ASB18: variants seen among roughly 807,000 people sequenced by gnomAD.
The protein encoded by ASB18 is ankyrin repeat and SOCS box containing 18.
A neutral mutation model predicts 33.4 loss-of-function variants in ASB18; 33 were observed. That is an observed-to-expected ratio of 0.99 (90% CI 0.75 to 1.32). ASB18 has a LOEUF of 1.32. Ranked by LOEUF, ASB18 falls within the 40% of genes most tolerant of loss-of-function variation. The pLI is 0.00. For missense variants in ASB18, 694 were observed against 655.5 expected (o/e 1.06, Z -0.64); for synonymous variants, 295 against 307.6 (o/e 0.96, Z 0.43).
In ASB18 at chr2:236,217,107, A is replaced by G. The variant is rs567241666; in HGVS notation, c.597-2241T>C. 6.6e-6 allele frequency among the ~76,000 whole-genome samples: 1 copy of G among 152,230 alleles called. No individual in the cohort carries two copies. Among genetic ancestry groups the G allele is most frequent in the South Asian group, 2.1e-4 (1 of 4,828 alleles). On this transcript the variant is annotated intron_variant, in intron 3 of 5. Transcript: ENST00000409749. The surrounding 1 kb of genome is among the most constrained non-coding windows in gnomAD (Gnocchi z 5.2). ...TGTGCCCAGGCACATTGGTCACCCC[A>G]TATTTCAAATATTTGTTGGGCCAGG...
intron 4 of ASB18, among the ~76,000 whole-genome samples, chr2:236,210,909 T>C (rs990903023): frequency 6.6e-6 from 1 of 152,160 alleles, no homozygotes; most frequent in Non-Finnish European, 1.5e-5. Flanking sequence ...CCCACACGCT[T>C]TGATGCTCCA....
rs914795345 is a variant in ASB18, at chr2:236,208,916, G to A, written c.1101+5446C>T. On this transcript the variant is annotated intron_variant, in intron 4 of 5. Coordinates refer to ENST00000409749, the MANE Select transcript of ASB18 (RefSeq NM_212556.4). This position sits in a 1 kb window ranked among gnomAD's most constrained non-coding sequence, Gnocchi z 7.7. ...ACTCTCTTCAGCTAATGAGGCGGCA[G>A]AAAGAAAATTAAGGGGAAAAATCAC... Among the ~76,000 whole-genome samples the A allele has an allele frequency of 5.3e-5, 8 of 152,008 alleles. No individual in the cohort carries two copies. Among genetic ancestry groups the A allele is most frequent in the Admixed American group, 2.0e-4 (3 of 15,264 alleles).
In ASB18 at chr2:236,251,650, G is replaced by A. The variant is rs1048974508; in HGVS notation, c.206-10248C>T. ...CAGCAAAGTGAGGCCAGTTTTGTCT[G>A]ATGGAGTTAAATTCCAGAATTAGAA... On this transcript the variant is annotated intron_variant, in intron 1 of 5. Coordinates refer to ENST00000409749, the MANE Select transcript of ASB18 (RefSeq NM_212556.4). This position sits in a 1 kb window ranked among gnomAD's most constrained non-coding sequence, Gnocchi z 5.3. Among the ~76,000 whole-genome samples, 6 of 152,172 alleles carry A rather than the reference G, an allele frequency of 3.9e-5. No homozygotes were observed. Among genetic ancestry groups the A allele is most frequent in the Admixed American group, 3.9e-4 (6 of 15,280 alleles).
Position 236,231,109 on chromosome 2 carries a change from C to A in ASB18, c.596+6580G>T, listed in dbSNP as rs189108139. On this transcript the variant is annotated intron_variant, in intron 3 of 5. Transcript: ENST00000409749. This position sits in a 1 kb window ranked among gnomAD's most constrained non-coding sequence, Gnocchi z 5.5. ...TCCTCTCCTTGAGCGTGGGCAGAAC[C>A]TTTGATTTGCCGCTAACCAATGGAC... Among the ~76,000 whole-genome samples, 1 of 152,226 alleles carries A rather than the reference C, an allele frequency of 6.6e-6. No homozygotes were observed. The highest frequency in any genetic ancestry group is 1.9e-4 in the East Asian group (1 of 5,170).
chr2:236,242,308 G>A (rs1033347674), intron 1 of ASB18, among the ~76,000 whole-genome samples: 32 of 152,122 alleles, frequency 2.1e-4, no homozygotes, highest in Admixed American at 5.2e-4. Flanking sequence ...CCACTTTCCA[G>A]AGAGGCCTCT....
rs1416050168 is a variant in ASB18 at position 236,237,707 on chromosome 2, C to T, written c.578G>A (p.Arg193His). 3.4e-6 allele frequency: 5 copies of T among 1,455,406 alleles called. No individual in the cohort carries two copies. In the African/African-American group the frequency reaches 4.4e-5, roughly 13 times the overall value. The allele number at this position is 1,455,406 out of a possible 1,614,324, so 90.2% of individuals were successfully genotyped here. ...TCCTTACCCGAGCGAGGCGGCCGTG[C>T]GGCAGAGGTGCAGAGGCGCCAGGCC... ...AEGLAPLHLC[R>H]TAASLGCAQA... Residue 193 changes from arginine (R) to histidine (H), a missense_variant, in exon 3 of 6, where the codon CGC becomes CAC. By Grantham distance (29) the Arg-to-His change is conservative (BLOSUM62 0). Coordinates refer to ENST00000409749, the MANE Select transcript of ASB18 (RefSeq NM_212556.4). This position sits in a 1 kb window ranked among gnomAD's most constrained non-coding sequence, Gnocchi z 6.2.
Position 236,214,425 on chromosome 2 carries a change from C to A in ASB18, c.1038G>T (p.Gln346His). The change falls in exon 4 of 6, where the codon CAG becomes CAT. Residue 346 changes from glutamine to histidine, a missense_variant. Coordinates refer to ENST00000409749, the MANE Select transcript of ASB18 (RefSeq NM_212556.4). The surrounding 1 kb of genome is among the most constrained non-coding windows in gnomAD (Gnocchi z 6.5). ...GGTTGAGCAGCGCCTGCACCGTGCG[C>A]TGCGGTGAGGCCTGGAGAGCGCAGG... ...TASCALQASP[Q>H]RTVQALLNHG... 6 of 1,561,532 alleles carry A rather than the reference C, an allele frequency of 3.8e-6. No homozygotes were observed. Among genetic ancestry groups the A allele is most frequent in the Non-Finnish European group, 5.2e-6 (6 of 1,160,432 alleles).
rs570917622 is a variant in ASB18 at position 236,251,993 on chromosome 2, G to A, written c.206-10591C>T. ...AGAAATAAATAGTAGAAATCTGGCC[G>A]GGCATGGTGGCTCATGCCTGTAATC... On this transcript the variant is annotated intron_variant, in intron 1 of 5. Coordinates refer to ENST00000409749, the MANE Select transcript of ASB18 (RefSeq NM_212556.4). This position sits in a 1 kb window ranked among gnomAD's most constrained non-coding sequence, Gnocchi z 5.3. Among the ~76,000 whole-genome samples the A allele has an allele frequency of 4.6e-5, 7 of 152,196 alleles. No individual in the cohort carries two copies. In the East Asian group the frequency reaches 5.8e-4, roughly 13 times the overall value.
intron 1 of ASB18, among the ~76,000 whole-genome samples, chr2:236,242,361 C>A (rs1017705765): frequency 3.3e-5 from 5 of 152,180 alleles, no homozygotes; most frequent in African/African-American, 1.2e-4. Flanking sequence ...AAGGCGGTGC[C>A]AGGTAGCAGG....
rs1461651159 is a variant in ASB18, at chr2:236,238,593, TC to T, written c.329-638del. Among the ~76,000 whole-genome samples the T allele has an allele frequency of 7.8e-6, 1 of 128,154 alleles. No individual in the cohort carries two copies. Among genetic ancestry groups the T allele is most frequent in the African/African-American group, 3.2e-5 (1 of 31,680 alleles). 84.1% of individuals were successfully genotyped at this position (128,154 alleles called of 152,430 possible). ...ACATTCAGCACAATCCTGGTTTGTTTCTTTGCGCTTTTTAGGGGTGTGTGTG... is the reference window on the plus strand; with the variant it reads ...ACATTCAGCACAATCCTGGTTTGTTTTTTGCGCTTTTTAGGGGTGTGTGTG... On this transcript the variant is annotated intron_variant, in intron 2 of 5. Transcript: ENST00000409749. The surrounding 1 kb of genome is among the most constrained non-coding windows in gnomAD (Gnocchi z 5.2).
chr2:236,203,549 G>A lies in ASB18; in HGVS notation c.1102-7164C>T, dbSNP rs2060417009. ...CTTGCCAGGTATGAGTGGAGGAGAG[G>A]CTGGGTCTGATTTTAATTTTAGAAA... is the stretch of plus-strand genomic sequence containing the variant. On this transcript the variant is annotated intron_variant, in intron 4 of 5. Transcript: ENST00000409749. This position sits in a 1 kb window ranked among gnomAD's most constrained non-coding sequence, Gnocchi z 6.0. Among the ~76,000 whole-genome samples the A allele has an allele frequency of 6.6e-6, 1 of 152,102 alleles. No individual in the cohort carries two copies. The highest frequency in any genetic ancestry group is 2.1e-4 in the South Asian group (1 of 4,816).
Position 236,250,549 on chromosome 2 carries a change from C to T in ASB18, c.206-9147G>A, listed in dbSNP as rs1173693914. 1 of 152,176 alleles carries T rather than the reference C, an allele frequency of 6.6e-6. No individual in the cohort carries two copies. Among genetic ancestry groups the T allele is most frequent in the East Asian group, 1.9e-4 (1 of 5,196 alleles). 9.4% of individuals were successfully genotyped at this position (152,176 alleles called of 1,614,324 possible). A position where few individuals can be genotyped will look rare whatever the true frequency, so the allele number is the denominator to read the frequency against. ...GTTGACCTGGTCAATTTCCTTCACC[C>T]CTTTTTTTACCTGGAGGGTTTCTGT... On this transcript the variant is annotated intron_variant, in intron 1 of 5. Coordinates refer to ENST00000409749, the MANE Select transcript of ASB18 (RefSeq NM_212556.4). This position sits in a 1 kb window ranked among gnomAD's most constrained non-coding sequence, Gnocchi z 4.1.
rs1396566971 is a variant in ASB18, at chr2:236,221,677, C to T, written c.597-6811G>A. 1.3e-5 allele frequency among the ~76,000 whole-genome samples: 2 copies of T among 152,140 alleles called. No homozygotes were observed. Among genetic ancestry groups the T allele is most frequent in the African/African-American group, 4.8e-5 (2 of 41,414 alleles). On this transcript the variant is annotated intron_variant, in intron 3 of 5. Transcript: ENST00000409749. The surrounding 1 kb of genome is among the most constrained non-coding windows in gnomAD (Gnocchi z 5.6). ...TATGTCTTTATCAGAAGCGTGAAAA[C>T]GGACTAATACAGCATCTGTCTCCTT...
Position 236,215,817 on chromosome 2 carries a change from A to C in ASB18, c.597-951T>G, listed in dbSNP as rs1356848103. 3.3e-5 allele frequency among the ~76,000 whole-genome samples: 5 copies of C among 152,088 alleles called. No individual in the cohort carries two copies. The highest frequency in any genetic ancestry group is 7.4e-5 in the Non-Finnish European group (5 of 68,008). ...CCCCCAACTTCAGCCACCTGCTCCC[A>C]TAGTCACCTGCCATCGATAAGGCCG... On this transcript the variant is annotated intron_variant, in intron 3 of 5. Coordinates refer to ENST00000409749, the MANE Select transcript of ASB18 (RefSeq NM_212556.4). The surrounding 1 kb of genome is among the most constrained non-coding windows in gnomAD (Gnocchi z 7.2).
chr2:236,253,158 C>T lies in ASB18; in HGVS notation c.205+10983G>A, dbSNP rs1345521039. Reference sequence around the variant, plus strand: ...AACGCTGACCCCTGAGCTCACGAGCCACTGGGAGGATGGTGGGTGTGTTCC... The same window carrying T: ...AACGCTGACCCCTGAGCTCACGAGCTACTGGGAGGATGGTGGGTGTGTTCC... On this transcript the variant is annotated intron_variant, in intron 1 of 5. Transcript: ENST00000409749. This position sits in a 1 kb window ranked among gnomAD's most constrained non-coding sequence, Gnocchi z 5.4. Among the ~76,000 whole-genome samples the T allele has an allele frequency of 3.3e-5, 5 of 152,176 alleles. No homozygotes were observed. Among genetic ancestry groups the T allele is most frequent in the Non-Finnish European group, 7.3e-5 (5 of 68,038 alleles).
At position 236,252,388 on chromosome 2, in the gene ASB18, G is replaced by A. The variant is rs763311502; in HGVS notation, c.206-10986C>T. 2.6e-5 allele frequency among the ~76,000 whole-genome samples: 4 copies of A among 152,028 alleles called. No individual in the cohort carries two copies. The highest frequency in any genetic ancestry group is 2.6e-4 in the Admixed American group (4 of 15,258). ...CCACCATCAACTAGCGGTGGAATCAGATCACTGCTATATGGAGGTACAGGT... is the reference window on the plus strand; with the variant it reads ...CCACCATCAACTAGCGGTGGAATCAAATCACTGCTATATGGAGGTACAGGT... On this transcript the variant is annotated intron_variant, in intron 1 of 5. Transcript: ENST00000409749. The surrounding 1 kb of genome is among the most constrained non-coding windows in gnomAD (Gnocchi z 7.9).
chr2:236,231,747 G>A lies in ASB18; in HGVS notation c.596+5942C>T, dbSNP rs943128859. Among the ~76,000 whole-genome samples the A allele has an allele frequency of 9.2e-5, 14 of 152,126 alleles. No homozygotes were observed. The highest frequency in any genetic ancestry group is 2.1e-4 in the Non-Finnish European group (14 of 68,020). ...TCCACTGCACCTGGCCTAGACCAAA[G>A]AATATTACTAAAGATAAATAATTTC... On this transcript the variant is annotated intron_variant, in intron 3 of 5. Coordinates refer to ENST00000409749, the MANE Select transcript of ASB18 (RefSeq NM_212556.4). This position sits in a 1 kb window ranked among gnomAD's most constrained non-coding sequence, Gnocchi z 5.5.
chr2:236,215,833 G>A lies in ASB18; in HGVS notation c.597-967C>T, dbSNP rs1015580990. Among the ~76,000 whole-genome samples the A allele has an allele frequency of 1.4e-4, 22 of 152,102 alleles. No homozygotes were observed. Among genetic ancestry groups the A allele is most frequent in the African/African-American group, 5.3e-4 (22 of 41,424 alleles). On this transcript the variant is annotated intron_variant, in intron 3 of 5. Transcript: ENST00000409749. The surrounding 1 kb of genome is among the most constrained non-coding windows in gnomAD (Gnocchi z 7.2). ...CCTGCTCCCATAGTCACCTGCCATC[G>A]ATAAGGCCGCTCCAGCCTTGGAAGT...
At chr2:236,206,613 T>C (rs756335457) in intron 4 of ASB18, among the ~76,000 whole-genome samples, 6 of 152,232 alleles carry the variant, frequency 3.9e-5, no homozygotes, top group Non-Finnish European at 8.8e-5. Flanking sequence ...ATGCATTTCC[T>C]TATTTAAACC....
Sources: allele counts gnomAD v4.1 joint callset (sites outside exome capture counted in the v4.1 genomes callset), GRCh38; gene constraint gnomAD v4.1.1; non-coding constraint Gnocchi (gnomAD v3.1); transcripts MANE v1.5; gene names NCBI Gene and HGNC (gene_info 2026-07-23, HGNC 2026-07-21).